TMEM132B: variants seen among roughly 807,000 people sequenced by gnomAD.
The protein encoded by TMEM132B is transmembrane protein 132B.
TMEM132B carries 18 observed loss-of-function variants against 90.8 expected under a neutral mutation model. The observed-to-expected ratio is 0.20, with a 90% confidence interval of 0.14 to 0.29. TMEM132B has a LOEUF of 0.29. Among genes scored for constraint, TMEM132B ranks in the 10% least tolerant of loss-of-function variants. TMEM132B has a pLI of 1.00. For missense variants in TMEM132B, 1,096 were observed against 1,326.8 expected (o/e 0.83, Z 2.70); for synonymous variants, 504 against 523.3 (o/e 0.96, Z 0.50).
intron 1 of TMEM132B, among the ~76,000 whole-genome samples, chr12:125,233,581 AAG>A (rs1873870017): frequency 6.6e-6 from 1 of 152,244 alleles, no homozygotes; most frequent in Non-Finnish European, 1.5e-5. Flanking sequence ...AGGACAGAAA[AAG>A]AAATTTTCAG....
chr12:125,451,118 C>A (rs373848126), intron 3 of TMEM132B, among the ~76,000 whole-genome samples: 9 of 152,080 alleles, frequency 5.9e-5, no homozygotes, highest in East Asian at 1.9e-4. Context: ...CACATGAGAT[C>A]CTGTCCTGGG....
chr12:125,211,239 T>C (rs544606481), intron 1 of TMEM132B, among the ~76,000 whole-genome samples: 1 of 152,296 alleles, frequency 6.6e-6, no homozygotes, highest in East Asian at 1.9e-4. Flanking sequence ...CAGGCTCGAC[T>C]GTGATTGGAA....
At chr12:125,227,882 C>T (rs983643841) in intron 1 of TMEM132B, among the ~76,000 whole-genome samples, 1 of 152,184 alleles carries the variant, frequency 6.6e-6, no homozygotes, top group Non-Finnish European at 1.5e-5. Flanking sequence ...AATCTCCACA[C>T]TGTGTCCCAG....
At chr12:125,615,801 A>C (rs1404928695) in intron 5 of TMEM132B, among the ~76,000 whole-genome samples, 2 of 152,172 alleles carry the variant, frequency 1.3e-5, no homozygotes, top group African/African-American at 4.8e-5. Context: ...TGTAGGGGCC[A>C]AGGCTAAACT....
intron 1 of TMEM132B, among the ~76,000 whole-genome samples, chr12:125,278,858 G>A (rs552886340): frequency 5.3e-5 from 8 of 152,182 alleles, no homozygotes; most frequent in Non-Finnish European, 1.2e-4. Flanking sequence ...TGGAAAGAGT[G>A]ACTGAGAGAA....
intron 3 of TMEM132B, among the ~76,000 whole-genome samples, chr12:125,517,164 TCTC>T (rs976706637): frequency 1.3e-5 from 2 of 148,858 alleles, no homozygotes; most frequent in African/African-American, 4.9e-5. Context: ...TTTCTCTCTC[TCTC>T]TTTTTTTTTT....
chr12:125,516,108 A>G (rs1883152956), intron 3 of TMEM132B, among the ~76,000 whole-genome samples: 1 of 149,474 alleles, frequency 6.7e-6, no homozygotes, highest in South Asian at 2.1e-4. Context: ...AACACACACT[A>G]TCACACACAC....
chr12:125,654,621 G>A lies in TMEM132B; in HGVS notation c.3163G>A (p.Asp1055Asn), dbSNP rs750226288. Reference protein sequence around the residue: ...YTNSILFDSDDNIKWVCQDMG... With the variant: ...YTNSILFDSDNNIKWVCQDMG... ...CAACTCCATCCTGTTTGACAGCGAT[G>A]ATAACATCAAGTGGGTCTGCCAAGA... Residue 1055 changes from aspartate to asparagine, a missense_variant, in exon 9 of 9, where the codon GAT becomes AAT. By Grantham distance (23) the Asp-to-Asn change is conservative (BLOSUM62 1). Transcript: ENST00000682704. This position sits in a 1 kb window ranked among gnomAD's most constrained non-coding sequence, Gnocchi z 5.8. 1 of 1,614,218 alleles carries A rather than the reference G, an allele frequency of 6.2e-7. No individual in the cohort carries two copies. The highest frequency in any genetic ancestry group is 8.5e-7 in the Non-Finnish European group (1 of 1,180,040).
intron 4 of TMEM132B, among the ~76,000 whole-genome samples, chr12:125,531,422 C>T (rs191151788): frequency 2.6e-5 from 4 of 152,106 alleles, no homozygotes; most frequent in Admixed American, 6.6e-5. Context: ...CTCCTGGGCT[C>T]GAGTGATTCT....
At chr12:125,527,641 C>T (rs1883527789) in intron 4 of TMEM132B, among the ~76,000 whole-genome samples, 2 of 150,202 alleles carry the variant, frequency 1.3e-5, no homozygotes, top group Admixed American at 6.6e-5. Flanking sequence ...CCCTTCCATC[C>T]ACCCATCCAC....
At chr12:125,598,340 A>G (rs1336937765) in intron 5 of TMEM132B, among the ~76,000 whole-genome samples, 1 of 152,176 alleles carries the variant, frequency 6.6e-6, no homozygotes, top group African/African-American at 2.4e-5. Flanking sequence ...TGAACATGGA[A>G]TGTGGAATCA....
At chr12:125,632,897 T>C (rs1424716245) in intron 5 of TMEM132B, among the ~76,000 whole-genome samples, 1 of 152,116 alleles carries the variant, frequency 6.6e-6, no homozygotes, top group Non-Finnish European at 1.5e-5. Context: ...CTTCTTGGTG[T>C]TTTATAACCT....
intron 4 of TMEM132B, among the ~76,000 whole-genome samples, chr12:125,522,257 T>C (rs1191607909): frequency 6.6e-6 from 1 of 152,200 alleles, no homozygotes; most frequent in Non-Finnish European, 1.5e-5. Context: ...TCCATGCTTA[T>C]TTATGAGTGT....
At chr12:125,629,111 A>G (rs2136990040) in intron 5 of TMEM132B, among the ~76,000 whole-genome samples, 1 of 152,238 alleles carries the variant, frequency 6.6e-6, no homozygotes, top group Admixed American at 6.5e-5. Context: ...TTCTTTGCTT[A>G]GGATAGCTTT....
rs371222827 is a variant in TMEM132B at position 125,422,707 on chromosome 12, C to T, written c.1106+7030C>T. Among the ~76,000 whole-genome samples the T allele has an allele frequency of 4.3e-4, 66 of 152,228 alleles. 1 individual carries two copies. Among genetic ancestry groups the T allele is most frequent in the African/African-American group, 1.5e-3 (61 of 41,528 alleles). On this transcript the variant is annotated intron_variant, in intron 3 of 8. Coordinates refer to ENST00000682704, the MANE Select transcript of TMEM132B (RefSeq NM_001366854.1). ...AAGAGACACACAGAGGAAACGGCCA[C>T]GTGGTGACAGAGACAGGGATGCGAG... is the stretch of plus-strand genomic sequence containing the variant.
chr12:125,485,963 C>T (rs1298712775), intron 3 of TMEM132B, among the ~76,000 whole-genome samples: 1 of 152,146 alleles, frequency 6.6e-6, no homozygotes, highest in Non-Finnish European at 1.5e-5. Context: ...TAACTACTGG[C>T]AAGAATGTTG....
chr12:125,192,576 G>C (rs2343638), intron 1 of TMEM132B, among the ~76,000 whole-genome samples: 42,979 of 152,088 alleles, frequency 0.28, 6,420 homozygotes, highest in East Asian at 0.47. Context: ...CTCCCGGGCT[G>C]AAGACATTCT....
At chr12:125,555,577 G>C (rs1157766961) in intron 4 of TMEM132B, among the ~76,000 whole-genome samples, 1 of 105,244 alleles carries the variant, frequency 9.5e-6, no homozygotes, top group Non-Finnish European at 1.8e-5. Flanking sequence ...GGTGGGGGGT[G>C]GGGGGAGGGA....
chr12:125,439,881 A>G (rs543177265), intron 3 of TMEM132B, among the ~76,000 whole-genome samples: 2 of 152,226 alleles, frequency 1.3e-5, no homozygotes, highest in South Asian at 4.2e-4. Context: ...GCATGAATGG[A>G]TGTTGAATTT....
Sources: allele counts gnomAD v4.1 joint callset (sites outside exome capture counted in the v4.1 genomes callset), GRCh38; gene constraint gnomAD v4.1.1; non-coding constraint Gnocchi (gnomAD v3.1); transcripts MANE v1.5; gene names NCBI Gene and HGNC (gene_info 2026-07-23, HGNC 2026-07-21).